DIXDC1: variants seen among roughly 807,000 people sequenced by gnomAD.
DIXDC1 encodes DIX domain containing 1.
Under a neutral mutation model 103.1 loss-of-function variants are expected in DIXDC1, and 64 were observed. That is an observed-to-expected ratio of 0.62 (90% CI 0.51 to 0.76). The LOEUF (loss-of-function observed/expected upper bound fraction) is 0.76, where lower values mean the gene tolerates loss of function less well. DIXDC1 is among the 30% of genes least tolerant of loss of function. The probability of loss-of-function intolerance (pLI) is 0.00; values close to 1 mark genes in which losing one functional copy is unlikely to be tolerated. For synonymous variants in DIXDC1, 266 were observed against 298.5 expected (o/e 0.89, Z 1.12); for missense variants, 759 against 834.2 (o/e 0.91, Z 1.11).
chr11:112,019,059 T>C lies in DIXDC1; in HGVS notation c.*23T>C, dbSNP rs1861681236. On this transcript the variant is annotated 3_prime_UTR_variant, in exon 20 of 20. Coordinates refer to ENST00000440460, the MANE Select transcript of DIXDC1 (RefSeq NM_001037954.4). The stretch of plus-strand genomic sequence containing the variant: ...TAATGCCAAGTATCAGATTGAGGGC[T>C]TATGGAACCTGGTCACTCCCTGGCT... 3 of 1,598,518 alleles carry C rather than the reference T, an allele frequency of 1.9e-6. No individual in the cohort carries two copies. The highest frequency in any genetic ancestry group is 2.6e-6 in the Non-Finnish European group (3 of 1,166,862).
At chr11:111,951,869 CTTTTT>C (rs35155467) in intron 1 of DIXDC1, among the ~76,000 whole-genome samples, 1 of 143,312 alleles carries the variant, frequency 7.0e-6, no homozygotes, top group Admixed American at 7.0e-5. Flanking sequence ...TCCATTAAAA[CTTTTT>C]TTTTTTTTTG....
chr11:111,937,538 C>A lies in DIXDC1; in HGVS notation c.39C>A (p.Val13=), dbSNP rs587619682. ...ACLTRGNLLD[V]LQEGFNEQQL... ...TGACCCGAGGGAACTTACTGGACGT[C>A]CTGCAGGAGGGCTTCAATGAGGTAA... The change falls in exon 1 of 20, where the codon GTC becomes GTA. Residue 13 remains valine, a synonymous_variant. Coordinates refer to ENST00000440460, the MANE Select transcript of DIXDC1 (RefSeq NM_001037954.4). The A allele has an allele frequency of 1.3e-6, 2 of 1,595,676 alleles. No homozygotes were observed. Among genetic ancestry groups the A allele is most frequent in the East Asian group, 2.3e-5 (1 of 43,930 alleles).
intron 2 of DIXDC1, among the ~76,000 whole-genome samples, chr11:111,931,504 G>A (rs1014491573): frequency 6.6e-6 from 1 of 152,208 alleles, no homozygotes; most frequent in East Asian, 1.9e-4. Flanking sequence ...TTAGCTGGAC[G>A]TGGTGGCGGA....
chr11:111,993,789 G>A (rs1555174951), intron 14 of DIXDC1, 49 bp downstream of exon 14: 2 of 1,596,678 alleles, frequency 1.3e-6, no homozygotes, highest in Non-Finnish European at 1.7e-6. Flanking sequence ...AGCAAACGGG[G>A]AGATTGTGTT....
At chr11:111,950,799 A>G (rs1213818982) in intron 1 of DIXDC1, among the ~76,000 whole-genome samples, 2 of 152,158 alleles carry the variant, frequency 1.3e-5, no homozygotes, top group African/African-American at 4.8e-5. Context: ...ATTGTGATAT[A>G]GGCTTATGAT....
intron 17 of DIXDC1, among the ~76,000 whole-genome samples, chr11:112,001,917 T>C (rs1419345927): frequency 1.3e-5 from 2 of 151,968 alleles, no homozygotes; most frequent in Admixed American, 6.6e-5. Flanking sequence ...CCACCACACC[T>C]GGCTAATTTT....
chr11:111,940,457 T>G (rs1185306639), intron 1 of DIXDC1, among the ~76,000 whole-genome samples: 1 of 152,162 alleles, frequency 6.6e-6, no homozygotes, highest in Non-Finnish European at 1.5e-5. Context: ...AAGCTATTTG[T>G]TTTCTCTGCT....
In DIXDC1 at chr11:111,993,655, T is replaced by G; in HGVS notation, c.1366-14T>G. ...CCAAAGAAATCATTTTCTGATTTAG[T>G]GTCTATTTTGCAGGTGGATCTAGAG... On this transcript the variant is annotated splice_polypyrimidine_tract_variant and intron_variant, in intron 13 of 19. Transcript: ENST00000440460. The G allele has an allele frequency of 6.2e-7, 1 of 1,614,048 alleles. No homozygotes were observed. Among genetic ancestry groups the G allele is most frequent in the Non-Finnish European group, 8.5e-7 (1 of 1,179,900 alleles).
Position 111,996,095 on chromosome 11 carries a change from C to T in DIXDC1, c.1705C>T (p.Pro569Ser), listed in dbSNP as rs782687758. The T allele has an allele frequency of 9.3e-6, 15 of 1,613,672 alleles. No individual in the cohort carries two copies. Among genetic ancestry groups the T allele is most frequent in the Non-Finnish European group, 1.2e-5 (14 of 1,179,792 alleles). Residue 569 changes from proline (P) to serine (S), a missense_variant, in exon 17 of 20, where the codon CCC (proline) becomes TCC (serine). This residue lies in a region of DIXDC1 where 657 missense variants were observed against 727.5 expected (regional missense o/e 0.90). Transcript: ENST00000440460. ...GGCTCCCCAGGTTCGGGTCAAGTCACCCAGAACTCAAGTAGGTAGTGAATA... is the reference window on the plus strand; with the variant it reads ...GGCTCCCCAGGTTCGGGTCAAGTCATCCAGAACTCAAGTAGGTAGTGAATA... ...KQERKVRVKSPRTQVGSEYRE... is the reference protein window; with the variant it reads ...KQERKVRVKSSRTQVGSEYRE...
At position 112,019,137 on chromosome 11, in the gene DIXDC1, T is replaced by G; in HGVS notation, c.*101T>G. 1.0e-6 allele frequency: 1 copy of G among 1,002,222 alleles called. No individual in the cohort carries two copies. Among genetic ancestry groups the G allele is most frequent in the Non-Finnish European group, 1.5e-6 (1 of 666,098 alleles). The allele number at this position is 1,002,222 out of a possible 1,614,324, so 62.1% of individuals were successfully genotyped here. On this transcript the variant is annotated 3_prime_UTR_variant, in exon 20 of 20. Coordinates refer to ENST00000440460, the MANE Select transcript of DIXDC1 (RefSeq NM_001037954.4). The stretch of plus-strand genomic sequence containing the variant: ...CAGAATACACTAAGAAGTTTCTAGT[T>G]TGTGTGCCAAAACAGAAGCTTCTCC...
intron 1 of DIXDC1, among the ~76,000 whole-genome samples, chr11:111,956,575 C>T (rs587748334): frequency 1.3e-5 from 2 of 152,214 alleles, no homozygotes; most frequent in Non-Finnish European, 2.9e-5. Context: ...CTACAACCTC[C>T]GCCTCCCAGG....
intron 17 of DIXDC1, 106 bp downstream of exon 17, chr11:111,996,252 CT>C: frequency 1.1e-6 from 1 of 937,118 alleles, no homozygotes; most frequent in Non-Finnish European, 1.6e-6. Context: ...TAGTACTTCA[CT>C]TTTATACTAT....
At chr11:111,980,944 A>G (rs1860282883) in intron 6 of DIXDC1, 95 bp downstream of exon 6, 3 of 978,066 alleles carry the variant, frequency 3.1e-6, no homozygotes, top group African/African-American at 3.2e-5. Flanking sequence ...GGCCTTCCCC[A>G]TCTCCATGGT....
At chr11:111,987,133 C>G (rs1439157850) in intron 9 of DIXDC1, among the ~76,000 whole-genome samples, 1 of 151,906 alleles carries the variant, frequency 6.6e-6, no homozygotes, top group Non-Finnish European at 1.5e-5. Context: ...GTCTGTAGTC[C>G]CAGCTACTCG....
At chr11:112,003,752 C>T (rs1480899447) in intron 17 of DIXDC1, among the ~76,000 whole-genome samples, 1 of 151,782 alleles carries the variant, frequency 6.6e-6, no homozygotes, top group Non-Finnish European at 1.5e-5. Context: ...GAGCCGAGAT[C>T]ATGCCATTGC....
chr11:111,941,073 C>T (rs1296224000), intron 1 of DIXDC1, among the ~76,000 whole-genome samples: 2 of 152,110 alleles, frequency 1.3e-5, no homozygotes, highest in Admixed American at 6.5e-5. Flanking sequence ...TGTGACCGCA[C>T]GTGACTGGTG....
rs1237435129 is a variant in DIXDC1 at position 112,018,844 on chromosome 11, C to G, written c.1972-112C>G. On this transcript the variant is annotated intron_variant, in intron 19 of 19. Coordinates refer to ENST00000440460, the MANE Select transcript of DIXDC1 (RefSeq NM_001037954.4). Reference sequence around the variant, plus strand: ...GGACAAGACCAAAAGGACATAGACTCTTAACTCAAGGCTTTCTTCTACATG... The same window carrying G: ...GGACAAGACCAAAAGGACATAGACTGTTAACTCAAGGCTTTCTTCTACATG... 5.8e-6 allele frequency: 5 copies of G among 859,570 alleles called. No individual in the cohort carries two copies. The Admixed American group carries it at 7.6e-5, about 13-fold the overall frequency. 53.2% of individuals were successfully genotyped at this position (859,570 alleles called of 1,614,324 possible). A position where few individuals can be genotyped will look rare whatever the true frequency, so the allele number is the denominator to read the frequency against.
In DIXDC1 at chr11:111,986,869, A is replaced by G; in HGVS notation, c.1009-2A>G. 6.4e-7 allele frequency: 1 copy of G among 1,567,170 alleles called. No homozygotes were observed. The highest frequency in any genetic ancestry group is 8.7e-7 in the Non-Finnish European group (1 of 1,154,752). On this transcript the variant is annotated splice_acceptor_variant, in intron 8 of 19. Coordinates refer to ENST00000440460, the MANE Select transcript of DIXDC1 (RefSeq NM_001037954.4). LOFTEE classifies it high-confidence loss of function. ...AGCCATCTCTGTTTGTCTTATATTC[A>G]GATTATAATCCAAAGTCGTCTGGAT...
chr11:111,963,142 G>A (rs587756776), intron 1 of DIXDC1, among the ~76,000 whole-genome samples: 1 of 152,318 alleles, frequency 6.6e-6, no homozygotes, highest in South Asian at 2.1e-4. Context: ...GCTAACTCTA[G>A]TGTTTTTCTG....
Sources: gnomAD v4.1 joint callset for allele counts (sites outside exome capture counted in the v4.1 genomes callset) on GRCh38, gnomAD v4.1.1 for gene constraint, gnomAD v4.1.1 regional missense constraint, MANE v1.5 for transcripts, NCBI Gene and HGNC (gene_info 2026-07-23, HGNC 2026-07-21) for gene names.